FAM107B: variants seen among roughly 807,000 people sequenced by gnomAD.
FAM107B encodes family with sequence similarity 107 member B.
FAM107B carries 21 observed loss-of-function variants against 31.5 expected under a neutral mutation model. The observed-to-expected ratio is 0.67, with a 90% CI of 0.47 to 0.96. The LOEUF (loss-of-function observed/expected upper bound fraction) is 0.96, where lower values mean the gene tolerates loss of function less well. FAM107B is among the 40% of genes least tolerant of loss of function. FAM107B has a pLI of 0.00. For synonymous variants in FAM107B, 157 were observed against 141.5 expected, an observed-to-expected ratio of 1.11 and a Z score of -0.78; for missense variants, 452 against 377.1, an observed-to-expected ratio of 1.20 and a Z score of -1.64.
At chr10:14,624,605 C>G (rs1470857919) in intron 2 of FAM107B, among the ~76,000 whole-genome samples, 2 of 151,780 alleles carry the variant, frequency 1.3e-5, no homozygotes, top group Non-Finnish European at 2.9e-5. Flanking sequence ...CGGTGCACAC[C>G]AGCCTGGATG....
chr10:14,745,541 C>T (rs1345233949), intron 1 of FAM107B, among the ~76,000 whole-genome samples: 1 of 152,042 alleles, frequency 6.6e-6, no homozygotes, highest in Non-Finnish European at 1.5e-5. Context: ...TTGATTTCTG[C>T]CTTAATTTCA....
At chr10:14,667,808 A>T in intron 1 of FAM107B, 117 bp from the exon 2 acceptor site, 1 of 1,006,116 alleles carries the variant, frequency 9.9e-7, no homozygotes, top group Non-Finnish European at 1.5e-6. Context: ...TGAAAAACTT[A>T]AACCACACCT....
chr10:14,592,743 A>G (rs1470102037), intron 2 of FAM107B, among the ~76,000 whole-genome samples: 6 of 152,234 alleles, frequency 3.9e-5, no homozygotes, highest in Non-Finnish European at 1.5e-5. Context: ...TCTGGAATGG[A>G]AAAAGAAACA....
At chr10:14,542,100 A>G (rs1040674177) in intron 2 of FAM107B, among the ~76,000 whole-genome samples, 1 of 151,752 alleles carries the variant, frequency 6.6e-6, no homozygotes, top group South Asian at 2.1e-4. Flanking sequence ...ACTTAAAAAA[A>G]TAATAATAAT....
chr10:14,583,373 T>C (rs910896788), intron 2 of FAM107B, among the ~76,000 whole-genome samples: 1 of 152,046 alleles, frequency 6.6e-6, no homozygotes, highest in Non-Finnish European at 1.5e-5. Context: ...GCAGGGAAAG[T>C]AGCTGCTGCT....
chr10:14,623,713 C>T (rs1042657892), intron 2 of FAM107B, among the ~76,000 whole-genome samples: 2 of 152,140 alleles, frequency 1.3e-5, no homozygotes, highest in Non-Finnish European at 2.9e-5. Context: ...GTAATCCCAG[C>T]TACTCAGGAG....
intron 2 of FAM107B, 146 bp from the exon 3 acceptor site, chr10:14,530,661 A>C (rs1222257030): frequency 5.7e-6 from 4 of 700,552 alleles, no homozygotes; most frequent in Admixed American, 3.1e-5. Context: ...AAATATTCTA[A>C]AGCGCTTGGA....
intron 2 of FAM107B, among the ~76,000 whole-genome samples, chr10:14,636,361 T>C (rs1359851): frequency 0.042 from 6,353 of 152,040 alleles, 191 homozygotes; most frequent in African/African-American, 0.086. Flanking sequence ...TACTTCTATG[T>C]GCACATAAAA....
intron 2 of FAM107B, among the ~76,000 whole-genome samples, chr10:14,649,646 G>C (rs1270646818): frequency 6.6e-6 from 1 of 152,116 alleles, no homozygotes; most frequent in African/African-American, 2.4e-5. Flanking sequence ...CCCCCACTTC[G>C]AGTTGTCCCA....
intron 1 of FAM107B, among the ~76,000 whole-genome samples, chr10:14,682,932 A>G (rs1044313133): frequency 6.6e-6 from 1 of 152,160 alleles, no homozygotes; most frequent in East Asian, 1.9e-4. Context: ...AATAAAAATA[A>G]TGTCAAGGAA....
intron 1 of FAM107B, among the ~76,000 whole-genome samples, chr10:14,739,900 A>C (rs908532565): frequency 1.3e-5 from 2 of 152,286 alleles, no homozygotes; most frequent in South Asian, 2.1e-4. Context: ...TTGACATCCA[A>C]CTATCTCTAG....
chr10:14,751,699 G>A (rs979021798), intron 1 of FAM107B, among the ~76,000 whole-genome samples: 7 of 152,052 alleles, frequency 4.6e-5, no homozygotes, highest in African/African-American at 1.4e-4. Context: ...AAAAAACTGT[G>A]AGGAGTCCTG....
chr10:14,682,387 G>A (rs1214511626), intron 1 of FAM107B, among the ~76,000 whole-genome samples: 1 of 152,066 alleles, frequency 6.6e-6, no homozygotes, highest in African/African-American at 2.4e-5. Flanking sequence ...AAATTAGCTG[G>A]GCTTGGTGGC....
At chr10:14,558,979 G>A (rs1031419332) in intron 2 of FAM107B, among the ~76,000 whole-genome samples, 1 of 152,020 alleles carries the variant, frequency 6.6e-6, no homozygotes, top group African/African-American at 2.4e-5. Flanking sequence ...TCAAAGCCAC[G>A]CTGGTTTTGT....
At chr10:14,600,338 G>C (rs1852348598) in intron 2 of FAM107B, among the ~76,000 whole-genome samples, 1 of 152,160 alleles carries the variant, frequency 6.6e-6, no homozygotes, top group South Asian at 2.1e-4. Flanking sequence ...AAGCGACAAA[G>C]TGTCCGAACC....
At chr10:14,540,777 C>T (rs777832628) in intron 2 of FAM107B, among the ~76,000 whole-genome samples, 19 of 152,326 alleles carry the variant, frequency 1.2e-4, no homozygotes, top group Admixed American at 2.0e-4. Flanking sequence ...GGAATGTTCA[C>T]CTCAGAATCA....
At chr10:14,671,898 AAAAAAC>A (rs1564621059) in intron 1 of FAM107B, among the ~76,000 whole-genome samples, 10 of 150,448 alleles carry the variant, frequency 6.6e-5, no homozygotes, top group African/African-American at 2.5e-4. Flanking sequence ...AAAAACAAAA[AAAAAAC>A]CCTCTATTTC....
intron 1 of FAM107B, among the ~76,000 whole-genome samples, chr10:14,706,177 T>A (rs1191438680): frequency 6.6e-6 from 1 of 152,206 alleles, no homozygotes; most frequent in Admixed American, 6.5e-5. Context: ...TGTCTTTGTG[T>A]CCTATGCTTA....
At chr10:14,595,358 C>T (rs542307480) in intron 2 of FAM107B, among the ~76,000 whole-genome samples, 49 of 151,148 alleles carry the variant, frequency 3.2e-4, no homozygotes, top group South Asian at 1.7e-3. Flanking sequence ...TGATTGAAAA[C>T]GCAAGACTTG....
Sources: gnomAD v4.1 joint callset for allele counts (sites outside exome capture counted in the v4.1 genomes callset) on GRCh38, gnomAD v4.1.1 for gene constraint, MANE v1.5 for transcripts, NCBI Gene and HGNC (gene_info 2026-07-23, HGNC 2026-07-21) for gene names.